CFAP99: variants seen among roughly 807,000 people sequenced by gnomAD.
The protein encoded by CFAP99 is cilia- and flagella-associated protein 99.
In CFAP99, 84 loss-of-function variants were observed where a neutral mutation model predicts 82.7. That is an observed-to-expected ratio of 1.02 (90% CI 0.85 to 1.22). The LOEUF is 1.22. CFAP99 is among the 50% of genes most tolerant of loss of function. The pLI is 0.00. For synonymous variants in CFAP99, 456 were observed against 429.5 expected, an observed-to-expected ratio of 1.06 and a Z score of -0.76; for missense variants, 1,059 against 983.5, an observed-to-expected ratio of 1.08 and a Z score of -1.03.
intron 2 of CFAP99, chr4:2,426,973 G>A (rs755539914): frequency 6.5e-5 from 16 of 246,944 alleles, no homozygotes; most frequent in Non-Finnish European, 1.1e-4. Context: ...GTGAGGGTGC[G>A]CAAGGCCACA....
At chr4:2,447,001 CGAAT>C (rs1734179867) in intron 6 of CFAP99, among the ~76,000 whole-genome samples, 2 of 145,136 alleles carry the variant, frequency 1.4e-5, no homozygotes, top group East Asian at 2.1e-4. Context: ...GATGGGTGGG[CGAAT>C]GAATGGATGG....
At chr4:2,460,292 TG>T in intron 14 of CFAP99, 50 bp downstream of exon 14, 2 of 1,498,334 alleles carry the variant, frequency 1.3e-6, no homozygotes, top group Non-Finnish European at 1.8e-6. Flanking sequence ...GGGAGCATGC[TG>T]TAAGCCTGCC....
At chr4:2,461,251 C>T (rs1352966811) in intron 14 of CFAP99, among the ~76,000 whole-genome samples, 1 of 152,178 alleles carries the variant, frequency 6.6e-6, no homozygotes, top group Non-Finnish European at 1.5e-5. Context: ...GTCAGGCTGG[C>T]CTCTGGGCCC....
chr4:2,450,074 C>G, intron 8 of CFAP99, 69 bp downstream of exon 8: 1 of 1,453,700 alleles, frequency 6.9e-7, no homozygotes, highest in Non-Finnish European at 9.3e-7. Context: ...AAGTTCCTCC[C>G]AACGCCATCG....
exon 13 of CFAP99, chr4:2,459,157 G>A (rs1487120165): frequency 3.3e-6 from 5 of 1,535,154 alleles, no homozygotes; most frequent in Non-Finnish European, 3.5e-6. Flanking sequence ...CAGGGCGCAG[G>A]CAGCCCAGGA....
chr4:2,451,494 G>A, intron 10 of CFAP99, 142 bp downstream of exon 10: 1 of 715,292 alleles, frequency 1.4e-6, no homozygotes, highest in Non-Finnish European at 2.3e-6. Context: ...CAGCAACAGG[G>A]GCGACAAGCA....
intron 2 of CFAP99, among the ~76,000 whole-genome samples, chr4:2,433,808 A>G (rs545183099): frequency 5.1e-4 from 77 of 152,358 alleles, no homozygotes; most frequent in Non-Finnish European, 8.1e-4. Context: ...AGGAGTTCTC[A>G]GGCAGAGGGA....
intron 8 of CFAP99, 83 bp downstream of exon 8, chr4:2,450,088 T>G: frequency 7.5e-7 from 1 of 1,327,276 alleles, no homozygotes; most frequent in Non-Finnish European, 1.0e-6. Flanking sequence ...GCCATCGCAG[T>G]GACCACTTAT....
At chr4:2,444,029 G>A (rs1431129735) in intron 5 of CFAP99, among the ~76,000 whole-genome samples, 3 of 152,204 alleles carry the variant, frequency 2.0e-5, no homozygotes, top group Non-Finnish European at 4.4e-5. Context: ...CCAGCTGTGT[G>A]CAGAAGACCT....
At chr4:2,452,152 C>T in exon 11 of CFAP99, 1 of 1,536,068 alleles carries the variant, frequency 6.5e-7, no homozygotes, top group Non-Finnish European at 8.7e-7. Context: ...GGTTGATAAG[C>T]TCGTGGATGG....
Position 2,426,711 on chromosome 4 carries a change from T to C in CFAP99, c.111+125T>C. On this transcript the variant is annotated intron_variant, in intron 2 of 14. Coordinates refer to ENST00000635017, the Ensembl canonical transcript of CFAP99. Reference sequence around the variant, plus strand: ...CTTCCACATGGGGAGAAGCTGACCGTGTTTTCCACAGAGACCTGCTCTTCG... The same window carrying C: ...CTTCCACATGGGGAGAAGCTGACCGCGTTTTCCACAGAGACCTGCTCTTCG... 5.9e-6 allele frequency: 4 copies of C among 673,886 alleles called. No individual in the cohort carries two copies. The Admixed American group carries it at 6.6e-5, about 11-fold the overall frequency. The allele number at this position is 673,886 out of a possible 1,614,324, so 41.7% of individuals were successfully genotyped here.
intron 1 of CFAP99, among the ~76,000 whole-genome samples, chr4:2,424,770 A>G (rs1733651442): frequency 1.3e-5 from 2 of 152,206 alleles, no homozygotes; most frequent in Admixed American, 6.5e-5. Flanking sequence ...GGGCACCCCC[A>G]GCCGAGACTC....
intron 2 of CFAP99, chr4:2,427,394 G>T (rs1453243807): frequency 6.5e-6 from 1 of 152,728 alleles, no homozygotes; most frequent in Non-Finnish European, 1.5e-5. Flanking sequence ...GTGGGACTTG[G>T]TCTCCATTGG....
chr4:2,434,640 G>C (rs969225918), intron 2 of CFAP99, among the ~76,000 whole-genome samples: 2 of 152,224 alleles, frequency 1.3e-5, no homozygotes, highest in African/African-American at 4.8e-5. Context: ...ACCACATCGG[G>C]TGGGACAGGC....
chr4:2,454,962 C>G (rs948635352), intron 11 of CFAP99, among the ~76,000 whole-genome samples: 2 of 152,204 alleles, frequency 1.3e-5, no homozygotes, highest in Non-Finnish European at 2.9e-5. Flanking sequence ...CTCTGTCGCC[C>G]AGGCTGGAGC....
chr4:2,458,081 C>G (rs1734477976), intron 11 of CFAP99, among the ~76,000 whole-genome samples: 1 of 152,238 alleles, frequency 6.6e-6, no homozygotes, highest in Non-Finnish European at 1.5e-5. Context: ...CTCTTCTGCA[C>G]TCCCGGCCTG....
At chr4:2,443,311 C>A in intron 5 of CFAP99, 69 bp downstream of exon 5, 1 of 937,792 alleles carries the variant, frequency 1.1e-6, no homozygotes. Flanking sequence ...CCTCCACGGG[C>A]ACGGGAGCTC....
intron 1 of CFAP99, among the ~76,000 whole-genome samples, chr4:2,421,637 C>A (rs1354284438): frequency 2.0e-5 from 3 of 152,138 alleles, no homozygotes; most frequent in Admixed American, 2.0e-4. Flanking sequence ...GCATGAGCCA[C>A]CGCGCCCAGC....
intron 4 of CFAP99, 54 bp downstream of exon 4, chr4:2,438,218 C>G: frequency 1.0e-6 from 1 of 987,566 alleles, no homozygotes; most frequent in South Asian, 1.4e-5. Context: ...TGAGGTCCGT[C>G]TGATCCTCGC....
Sources: allele counts gnomAD v4.1 joint callset (sites outside exome capture counted in the v4.1 genomes callset), GRCh38; gene constraint gnomAD v4.1.1; transcripts MANE v1.5; gene names NCBI Gene and HGNC (gene_info 2026-07-23, HGNC 2026-07-21).